The following TRIM49B variants were observed in gnomAD, a reference collection of about 807,000 sequenced individuals.
The protein encoded by TRIM49B is putative tripartite motif-containing protein 49B.
A neutral mutation model predicts 31.8 loss-of-function variants in TRIM49B; 18 were observed. The ratio of observed to expected loss-of-function variants is 0.57; its 90% CI spans 0.39 to 0.84. TRIM49B has a LOEUF of 0.84. Ranked by LOEUF, TRIM49B falls within the 40% of genes least tolerant of loss-of-function variation. TRIM49B has a pLI of 0.00. For synonymous variants in TRIM49B, 196 were observed against 180.6 expected (o/e 1.09, Z -0.68); for missense variants, 494 against 538.7 (o/e 0.92, Z 0.82).
At chr11:49,033,709 G>A (rs188376345) in intron 3 of TRIM49B, among the ~76,000 whole-genome samples, 225 of 152,226 alleles carry the variant, frequency 1.5e-3, no homozygotes, top group African/African-American at 5.0e-3. Context: ...GGTTTTGCTG[G>A]GTGAAATGCA....
chr11:49,034,113 AT>A (rs1422054099), intron 3 of TRIM49B, 32 bp from the exon 4 acceptor site: 1 of 1,611,258 alleles, frequency 6.2e-7, no homozygotes, highest in African/African-American at 1.3e-5. Context: ...GGATATATAC[AT>A]TTCTCTTTTG....
intron 3 of TRIM49B, among the ~76,000 whole-genome samples, chr11:49,032,805 T>A (rs536255245): frequency 6.6e-6 from 1 of 152,144 alleles, no homozygotes; most frequent in East Asian, 1.9e-4. Flanking sequence ...GTATGGAAAA[T>A]TTGAGGCAGA....
At chr11:49,035,428 C>T (rs1190814578) in intron 5 of TRIM49B, among the ~76,000 whole-genome samples, 3 of 137,582 alleles carry the variant, frequency 2.2e-5, no homozygotes, top group African/African-American at 5.6e-5. Context: ...GGCGCGATCT[C>T]GGCTCACTGC....
At chr11:49,037,301 A>G (rs974490050) in intron 6 of TRIM49B, among the ~76,000 whole-genome samples, 177 bp from the exon 7 acceptor site, 3 of 152,040 alleles carry the variant, frequency 2.0e-5, no homozygotes, top group Non-Finnish European at 4.4e-5. Flanking sequence ...AAAAAACATA[A>G]TATCTGTGGT....
intron 1 of TRIM49B, among the ~76,000 whole-genome samples, chr11:49,030,688 C>T (rs1409919852): frequency 3.3e-5 from 5 of 152,158 alleles, no homozygotes; most frequent in Non-Finnish European, 5.9e-5. Flanking sequence ...ACTCACATAT[C>T]TCTCTTCTCT....
In TRIM49B at chr11:49,031,851, A is replaced by G; in HGVS notation, c.252A>G (p.Leu84=). The G allele has an allele frequency of 6.2e-7, 1 of 1,613,906 alleles. No individual in the cohort carries two copies. The highest frequency in any genetic ancestry group is 8.5e-7 in the Non-Finnish European group (1 of 1,179,854). The change falls in exon 2 of 7, where the codon CTA becomes CTG. Residue 84 remains leucine (L), a synonymous_variant. Transcript: ENST00000332682. ...TTGCTAGAAAAGTCAGTCTCTGGCTATTCCTGAGCTCTGAGGAGCAAATGT... is the reference window on the plus strand; with the variant it reads ...TTGCTAGAAAAGTCAGTCTCTGGCTGTTCCTGAGCTCTGAGGAGCAAATGT... ...ASLARKVSLW[L]FLSSEEQMCG...
rs181250645 is a variant in TRIM49B, at chr11:49,037,481, A to G, written c.863A>G (p.His288Arg). 9 of 1,613,634 alleles carry G rather than the reference A, an allele frequency of 5.6e-6. No individual in the cohort carries two copies. In the African/African-American group the frequency reaches 9.3e-5, roughly 17 times the overall value. ...ATGTTTTCTCTTTTTTTTGCAGTGC[A>G]TATTACTCTGCATCATGAAGAAGCC... ...LRDRLNQFRV[H>R]ITLHHEEANS... Residue 288 changes from histidine to arginine, a missense_variant, in exon 7 of 7, where the codon CAT becomes CGT. His to Arg is a conservative substitution (Grantham distance 29). Transcript: ENST00000332682.
At chr11:49,031,175 T>C (rs1016603816) in intron 1 of TRIM49B, among the ~76,000 whole-genome samples, 1 of 152,124 alleles carries the variant, frequency 6.6e-6, no homozygotes, top group Non-Finnish European at 1.5e-5. Context: ...TCTTCTCATA[T>C]TTCTTTGGCC....
intron 3 of TRIM49B, among the ~76,000 whole-genome samples, chr11:49,032,602 T>C (rs2727045): frequency 0.57 from 77,820 of 136,618 alleles, 21,878 homozygotes; most frequent in Non-Finnish European, 0.65. Context: ...AGCATGCTGG[T>C]TTGTTTCATA....
chr11:49,038,005 A>C lies in TRIM49B; in HGVS notation c.*28A>C, dbSNP rs745675748. Reference sequence around the variant, plus strand: ...AGAGACAAATCAGAAATGTGTTCACATGCTGTGGGAACCCCTTTATCCCAG... The same window carrying C: ...AGAGACAAATCAGAAATGTGTTCACCTGCTGTGGGAACCCCTTTATCCCAG... On this transcript the variant is annotated 3_prime_UTR_variant, in exon 7 of 7. Coordinates refer to ENST00000332682, the MANE Select transcript of TRIM49B (RefSeq NM_001206626.2). The C allele has an allele frequency of 5.0e-6, 8 of 1,592,674 alleles. No individual in the cohort carries two copies. In the South Asian group the frequency reaches 9.1e-5, roughly 18 times the overall value.
chr11:49,031,410 A>G (rs1057148446), intron 1 of TRIM49B, among the ~76,000 whole-genome samples, 186 bp from the exon 2 acceptor site: 3 of 152,232 alleles, frequency 2.0e-5, no homozygotes, highest in African/African-American at 4.8e-5. Flanking sequence ...AGTTAGTAAT[A>G]TCTGTTATAA....
At chr11:49,033,141 A>G (rs1410055865) in intron 3 of TRIM49B, among the ~76,000 whole-genome samples, 3 of 152,204 alleles carry the variant, frequency 2.0e-5, no homozygotes, top group African/African-American at 7.2e-5. Context: ...AGTAAAGAAG[A>G]AAGGAAGCAC....
intron 5 of TRIM49B, 87 bp from the exon 6 acceptor site, chr11:49,036,214 T>C: frequency 6.3e-7 from 1 of 1,584,196 alleles, no homozygotes; most frequent in Non-Finnish European, 8.6e-7. Context: ...ATTCAAAGGA[T>C]TCTCATGAAA....
chr11:49,035,138 T>C (rs756959558), intron 5 of TRIM49B, 21 bp downstream of exon 5: 3 of 1,610,022 alleles, frequency 1.9e-6, no homozygotes, highest in Non-Finnish European at 2.5e-6. Context: ...ACCTAGATTT[T>C]AGCATATGTT....
chr11:49,032,147 C>T (rs1854461433), intron 2 of TRIM49B, 129 bp from the exon 3 acceptor site: 2 of 1,592,332 alleles, frequency 1.3e-6, no homozygotes, highest in Admixed American at 1.8e-5. Flanking sequence ...CTTCCAACCT[C>T]TGGGCTTTGA....
At position 49,037,685 on chromosome 11, in the gene TRIM49B, G is replaced by T. The variant is rs538982594; in HGVS notation, c.1067G>T (p.Gly356Val). 6.2e-7 allele frequency: 1 copy of T among 1,613,906 alleles called. No individual in the cohort carries two copies. The highest frequency in any genetic ancestry group is 1.1e-5 in the South Asian group (1 of 91,074). The change falls in exon 7 of 7, where the codon GGT (glycine) becomes GTT (valine). Residue 356 changes from glycine to valine, a missense_variant. By Grantham distance (109) the Gly-to-Val change is moderately radical. Around this residue, in one of 3 missense-constraint regions of TRIM49B, gnomAD observed 233 missense variants for 281.4 expected, o/e 0.83. Coordinates refer to ENST00000332682, the MANE Select transcript of TRIM49B (RefSeq NM_001206626.2). ...HVGDSWNWAF[G>V]VCNMYWKEKN... ...GGGGACTCCTGGAATTGGGCTTTTG[G>T]TGTCTGTAATATGTATTGGAAAGAG...
At position 49,036,026 on chromosome 11, in the gene TRIM49B, T is replaced by C. The variant is rs1854524940; in HGVS notation, c.762-275T>C. Among the ~76,000 whole-genome samples, 2 of 151,538 alleles carry C rather than the reference T, an allele frequency of 1.3e-5. 1 individual carries two copies. The highest frequency in any genetic ancestry group is 4.2e-4 in the South Asian group (2 of 4,814). The stretch of plus-strand genomic sequence containing the variant: ...CTGCCAAGAAGTGGAACTCAGAATT[T>C]CGTTTCTAAATATTCTCAAGGCCAT... On this transcript the variant is annotated intron_variant, in intron 5 of 6. Transcript: ENST00000332682.
intron 3 of TRIM49B, 140 bp from the exon 4 acceptor site, chr11:49,034,006 G>C: frequency 4.2e-6 from 6 of 1,431,804 alleles, no homozygotes; most frequent in Non-Finnish European, 4.8e-6. Context: ...AAAAAGGAAA[G>C]GAACAAAATT....
In TRIM49B at chr11:49,037,784, G is replaced by C; in HGVS notation, c.1166G>C (p.Arg389Pro). The C allele has an allele frequency of 6.2e-7, 1 of 1,613,914 alleles. No individual in the cohort carries two copies. Among genetic ancestry groups the C allele is most frequent in the Admixed American group, 1.7e-5 (1 of 60,008 alleles). Residue 389 changes from arginine (R) to proline (P), a missense_variant, in exon 7 of 7, where the codon CGC becomes CCC. Arg to Pro is a moderately radical substitution (Grantham distance 103, BLOSUM62 -2). Transcript: ENST00000332682. ...GGGTGTGTTAAGAATGACATTCAAC[G>C]CAGTCTCTTTACCACCTCCCCACTT... ...LLGCVKNDIQRSLFTTSPLLL... is the reference protein window; with the variant it reads ...LLGCVKNDIQPSLFTTSPLLL...
Sources: gnomAD v4.1 joint callset for allele counts (sites outside exome capture counted in the v4.1 genomes callset) on GRCh38, gnomAD v4.1.1 for gene constraint, gnomAD v4.1.1 regional missense constraint, MANE v1.5 for transcripts, NCBI Gene and HGNC (gene_info 2026-07-23, HGNC 2026-07-21) for gene names.